CDC42BPA: variants seen among roughly 807,000 people sequenced by gnomAD.
CDC42BPA encodes the protein serine/threonine-protein kinase MRCK alpha.
A neutral mutation model predicts 223.5 loss-of-function variants in CDC42BPA; 80 were observed. The observed-to-expected ratio is 0.36, with a 90% CI of 0.30 to 0.43. The LOEUF is 0.43. Among genes scored for constraint, CDC42BPA ranks in the 20% least tolerant of loss-of-function variants. CDC42BPA has a pLI of 1.00. For missense variants in CDC42BPA, 1,743 were observed against 2,099.9 expected (o/e 0.83, Z 3.32); for synonymous variants, 694 against 718.6 (o/e 0.97, Z 0.55).
rs1374236848 is a variant in CDC42BPA, at chr1:227,230,812, CTTTCTTTCT to C, written c.271-17602_271-17594del. ...GCTAACTGATTTCTATTTCTTTTTT[CTTTCTTTCT>C]TTTTTTTTTTTTTTTTTTGAGACAG... On this transcript the variant is annotated intron_variant, in intron 2 of 36. Coordinates refer to ENST00000366766, the MANE Select transcript of CDC42BPA (RefSeq NM_001394014.1). Among the ~76,000 whole-genome samples, 128 of 111,756 alleles carry C rather than the reference CTTTCTTTCT, an allele frequency of 1.1e-3. 9 individuals are homozygous for C. In the East Asian group the frequency reaches 0.03, roughly 26 times the overall value. The allele number at this position is 111,756 out of a possible 152,430, so 73.3% of individuals were successfully genotyped here. A position where few individuals can be genotyped will look rare whatever the true frequency, so the allele number is the denominator to read the frequency against.
chr1:227,081,315 T>C (rs1680587458), intron 16 of CDC42BPA, among the ~76,000 whole-genome samples: 1 of 152,136 alleles, frequency 6.6e-6, no homozygotes, highest in African/African-American at 2.4e-5. Flanking sequence ...TTTATGTCAT[T>C]TTTTCTTTAA....
intron 3 of CDC42BPA, among the ~76,000 whole-genome samples, chr1:227,200,993 T>C (rs576171789): frequency 6.6e-6 from 1 of 152,236 alleles, no homozygotes; most frequent in Non-Finnish European, 1.5e-5. Flanking sequence ...CTTTGTCTTT[T>C]AATTGTTCAC....
At chr1:227,005,568 G>A (rs114454645) in intron 34 of CDC42BPA, among the ~76,000 whole-genome samples, 206 of 152,248 alleles carry the variant, frequency 1.4e-3, no homozygotes, top group African/African-American at 4.6e-3. Flanking sequence ...GATACCAAAT[G>A]TGCCATTTAT....
rs770696596 is a variant in CDC42BPA at position 227,074,014 on chromosome 1, T to C, written c.2587-2A>G. On this transcript the variant is annotated splice_acceptor_variant, in intron 18 of 36. Transcript: ENST00000366766. LOFTEE classifies it high-confidence loss of function. ...ACGACGCATTTTCCAGGGCATATCC[T>C]ATGAAATAATGACTGTGTTTTTAGT... The C allele has an allele frequency of 2.5e-6, 4 of 1,608,778 alleles. No homozygotes were observed. The South Asian group carries it at 4.5e-5, about 18-fold the overall frequency.
intron 3 of CDC42BPA, among the ~76,000 whole-genome samples, chr1:227,207,349 ATCTTTTTTTT>A (rs1424680349): frequency 2.5e-5 from 3 of 120,584 alleles, no homozygotes; most frequent in African/African-American, 6.1e-5. Flanking sequence ...TCTTTTTTTC[ATCTTTTTTTT>A]TCTTTTTCTT....
At chr1:227,262,041 A>C (rs1177423457) in intron 1 of CDC42BPA, among the ~76,000 whole-genome samples, 1 of 147,522 alleles carries the variant, frequency 6.8e-6, no homozygotes, top group Non-Finnish European at 1.5e-5. Context: ...AAGTGAGCTC[A>C]CAATTGAAAA....
intron 23 of CDC42BPA, among the ~76,000 whole-genome samples, chr1:227,044,450 A>C (rs1193398427): frequency 6.6e-6 from 1 of 152,246 alleles, no homozygotes; most frequent in African/African-American, 2.4e-5. Context: ...AAATCAAATT[A>C]ATACATACAC....
intron 10 of CDC42BPA, among the ~76,000 whole-genome samples, chr1:227,137,361 G>A (rs1658781588): frequency 6.6e-6 from 1 of 152,002 alleles, no homozygotes; most frequent in African/African-American, 2.4e-5. Context: ...AAACGCGGAC[G>A]ATAAGTTCTG....
At chr1:227,073,406 T>C (rs1678829107) in intron 19 of CDC42BPA, among the ~76,000 whole-genome samples, 1 of 152,104 alleles carries the variant, frequency 6.6e-6, no homozygotes, top group Non-Finnish European at 1.5e-5. Context: ...AAAACAATAA[T>C]TATACTTAAA....
chr1:227,078,737 T>A (rs1365735732), intron 17 of CDC42BPA, among the ~76,000 whole-genome samples: 1 of 152,104 alleles, frequency 6.6e-6, no homozygotes, highest in African/African-American at 2.4e-5. Context: ...TTAAAACTGT[T>A]CATTTGTCCC....
At chr1:227,288,921 G>C (rs1689236128) in intron 1 of CDC42BPA, among the ~76,000 whole-genome samples, 1 of 152,170 alleles carries the variant, frequency 6.6e-6, no homozygotes, top group African/African-American at 2.4e-5. Context: ...TTGAACCCCA[G>C]AGGTGGAGGC....
chr1:227,204,726 A>G (rs146716494), intron 3 of CDC42BPA, among the ~76,000 whole-genome samples: 26 of 152,278 alleles, frequency 1.7e-4, no homozygotes, highest in African/African-American at 6.0e-4. Context: ...TTGAAGCACT[A>G]GTTTCTCTCC....
chr1:227,181,446 T>C (rs183296028), intron 5 of CDC42BPA, among the ~76,000 whole-genome samples: 66 of 152,344 alleles, frequency 4.3e-4, no homozygotes, highest in Non-Finnish European at 7.4e-4. Context: ...TGGTCCTCCT[T>C]CTTTAAGCTA....
At chr1:227,172,405 C>T (rs1558671085) in intron 5 of CDC42BPA, among the ~76,000 whole-genome samples, 1 of 152,126 alleles carries the variant, frequency 6.6e-6, no homozygotes, top group Non-Finnish European at 1.5e-5. Context: ...CCTAATCTTT[C>T]TCTGCATCTT....
intron 12 of CDC42BPA, among the ~76,000 whole-genome samples, chr1:227,117,596 A>G (rs999577722): frequency 6.6e-6 from 1 of 152,170 alleles, no homozygotes; most frequent in Non-Finnish European, 1.5e-5. Context: ...GATTACAAGC[A>G]TAAGTCACCA....
At chr1:227,146,098 T>C (rs1660658451) in intron 7 of CDC42BPA, among the ~76,000 whole-genome samples, 1 of 152,170 alleles carries the variant, frequency 6.6e-6, no homozygotes, top group East Asian at 1.9e-4. Flanking sequence ...ATACTAATGA[T>C]TAACTAATAA....
chr1:227,233,389 G>A (rs1678396504), intron 2 of CDC42BPA, among the ~76,000 whole-genome samples: 1 of 152,176 alleles, frequency 6.6e-6, no homozygotes, highest in East Asian at 1.9e-4. Context: ...ATATAAAGCT[G>A]TAATAGTGTT....
In CDC42BPA at chr1:227,129,702, C is replaced by CATATATATATATATATATATATATATAT. The variant is rs1196658904; in HGVS notation, c.1391-472_1391-471insATATATATATATATATATATATATATAT. On this transcript the variant is annotated intron_variant, in intron 10 of 36. Coordinates refer to ENST00000366766, the MANE Select transcript of CDC42BPA (RefSeq NM_001394014.1). ...AAAAAAAAAAAAAAAAAATCCACTG[C>CATATATATATATATATATATATATATAT]ATATATATATATACAAAAGAATCCA... Among the ~76,000 whole-genome samples, 455 of 70,670 alleles carry CATATATATATATATATATATATATATAT rather than the reference C, an allele frequency of 6.4e-3. 3 individuals are homozygous for CATATATATATATATATATATATATATAT. The highest frequency in any genetic ancestry group is 8.6e-3 in the Non-Finnish European group (297 of 34,566). The allele number at this position is 70,670 out of a possible 152,430, so 46.4% of individuals were successfully genotyped here. A position where few individuals can be genotyped will look rare whatever the true frequency, so the allele number is the denominator to read the frequency against.
rs775516534 is a variant in CDC42BPA at position 227,072,326 on chromosome 1, T to C, written c.2736-27A>G. ...TTAAATAAGGAGAAAAAAGGAAAAA[T>C]GTCATTAATTTTTATTGCTGGTTAG... On this transcript the variant is annotated intron_variant, in intron 19 of 36. Transcript: ENST00000366766. 79 of 1,364,748 alleles carry C rather than the reference T, an allele frequency of 5.8e-5. No homozygotes were observed. In the African/African-American group the frequency reaches 6.5e-4, roughly 11 times the overall value. 84.5% of individuals were successfully genotyped at this position (1,364,748 alleles called of 1,614,324 possible).
Sources: allele counts gnomAD v4.1 joint callset (sites outside exome capture counted in the v4.1 genomes callset), GRCh38; gene constraint gnomAD v4.1.1; transcripts MANE v1.5; gene names NCBI Gene and HGNC (gene_info 2026-07-23, HGNC 2026-07-21).